DNAL1: variants seen among roughly 807,000 people sequenced by gnomAD.
DNAL1 encodes the protein dynein axonemal light chain 1.
A neutral mutation model predicts 29.4 loss-of-function variants in DNAL1; 17 were observed. The ratio of observed to expected loss-of-function variants is 0.58; its 90% CI spans 0.40 to 0.87. DNAL1 has a LOEUF of 0.87. Ranked by LOEUF, DNAL1 falls within the 40% of genes least tolerant of loss-of-function variation. DNAL1 has a pLI of 0.00. For synonymous variants in DNAL1, 78 were observed against 76.3 expected (o/e 1.02, Z -0.12); for missense variants, 188 against 214.1 (o/e 0.88, Z 0.76).
chr14:73,670,953 G>A (rs2140041959), intron 4 of DNAL1, among the ~76,000 whole-genome samples: 1 of 151,794 alleles, frequency 6.6e-6, no homozygotes, highest in South Asian at 2.1e-4. Flanking sequence ...AGCCAGGATG[G>A]TCTCGATCTC....
At position 73,689,385 on chromosome 14, in the gene DNAL1, G is replaced by T. The variant is rs1295843104; in HGVS notation, c.402G>T (p.Val134=). Residue 134 remains valine, a synonymous_variant, in exon 7 of 8, where the codon GTG becomes GTT. Coordinates refer to ENST00000553645, the MANE Select transcript of DNAL1 (RefSeq NM_031427.4). ...NNLVKDWAEF[V]KLAELPCLED... Reference sequence around the variant, plus strand: ...TTCTTTTACTTGTAGCTGAGTTTGTGAAGCTGGCAGAACTGCCATGCCTCG... The same window carrying T: ...TTCTTTTACTTGTAGCTGAGTTTGTTAAGCTGGCAGAACTGCCATGCCTCG... 1 of 1,552,474 alleles carries T rather than the reference G, an allele frequency of 6.4e-7. No homozygotes were observed.
chr14:73,663,652 G>A (rs1891408298), intron 4 of DNAL1, among the ~76,000 whole-genome samples: 1 of 152,116 alleles, frequency 6.6e-6, no homozygotes, highest in Non-Finnish European at 1.5e-5. Flanking sequence ...TAGTCAAACA[G>A]GTCAGGGTCA....
chr14:73,685,477 T>A (rs1027267660), intron 5 of DNAL1, among the ~76,000 whole-genome samples: 12 of 151,574 alleles, frequency 7.9e-5, no homozygotes, highest in South Asian at 4.2e-4. Context: ...TTTTTTTTTT[T>A]GAGACTGAGT....
At chr14:73,658,214 A>G (rs963284482) in intron 2 of DNAL1, among the ~76,000 whole-genome samples, 2 of 152,176 alleles carry the variant, frequency 1.3e-5, no homozygotes, top group African/African-American at 4.8e-5. Flanking sequence ...GTTGGCTGTA[A>G]ATACATGGAC....
intron 4 of DNAL1, among the ~76,000 whole-genome samples, chr14:73,666,798 T>TA (rs1217111769): frequency 2.0e-5 from 3 of 152,232 alleles, no homozygotes; most frequent in Admixed American, 6.5e-5. Flanking sequence ...TATTTTTTGA[T>TA]ACGGATGATT....
rs532784292 is a variant in DNAL1, at chr14:73,677,433, G to T, written c.264+5836G>T. Among the ~76,000 whole-genome samples the T allele has an allele frequency of 6.6e-5, 10 of 151,904 alleles. No individual in the cohort carries two copies. In the South Asian group the frequency reaches 1.2e-3, roughly 19 times the overall value. On this transcript the variant is annotated intron_variant, in intron 5 of 7. Transcript: ENST00000553645. ...GACCCTCTTGCCTCAAGTCTCCTGA[G>T]TAGCTGGGACTACAGGCCACTGTTC...
rs1367259721 is a variant in DNAL1 at position 73,678,508 on chromosome 14, ATTC to A, written c.264+6914_264+6916del. The stretch of plus-strand genomic sequence containing the variant: ...AAGTATTCAAATATAGTGAGCAGGT[ATTC>A]TTTTTTTTTTTTTTTTTTTTTTAGC... On this transcript the variant is annotated intron_variant, in intron 5 of 7. Transcript: ENST00000553645. 3.2e-5 allele frequency among the ~76,000 whole-genome samples: 4 copies of A among 123,532 alleles called. No homozygotes were observed. The East Asian group carries it at 9.4e-4, about 29-fold the overall frequency. The allele number at this position is 123,532 out of a possible 152,430, so 81.0% of individuals were successfully genotyped here. A position where few individuals can be genotyped will look rare whatever the true frequency, so the allele number is the denominator to read the frequency against.
intron 7 of DNAL1, among the ~76,000 whole-genome samples, chr14:73,695,278 C>T (rs1463049644): frequency 6.6e-6 from 1 of 151,202 alleles, no homozygotes; most frequent in East Asian, 1.9e-4. Flanking sequence ...GGCTGGTCTC[C>T]AACTCCTAGG....
intron 5 of DNAL1, among the ~76,000 whole-genome samples, chr14:73,677,878 A>T (rs1012409753): frequency 4.9e-5 from 4 of 82,132 alleles, no homozygotes; most frequent in South Asian, 3.7e-4. Flanking sequence ...ATATATATAT[A>T]TATATTTGTG....
rs71112792 is a variant in DNAL1 at position 73,681,605 on chromosome 14, CAAAAAAAAAAAAA to C, written c.265-5637_265-5625del. On this transcript the variant is annotated intron_variant, in intron 5 of 7. Coordinates refer to ENST00000553645, the MANE Select transcript of DNAL1 (RefSeq NM_031427.4). ...CAACATAGCGAGACCCCATCTCTACCAAAAAAAAAAAAAAAAAAAAAAAAAAAAATATATATAT... is the reference window on the plus strand; with the variant it reads ...CAACATAGCGAGACCCCATCTCTACCAAAAAAAAAAAAAAAATATATATAT... Among the ~76,000 whole-genome samples, 136 of 52,848 alleles carry C rather than the reference CAAAAAAAAAAAAA, an allele frequency of 2.6e-3. 2 individuals are homozygous for C. The highest frequency in any genetic ancestry group is 0.014 in the African/African-American group (119 of 8,756). The allele number at this position is 52,848 out of a possible 152,430, so 34.7% of individuals were successfully genotyped here.
chr14:73,681,493 C>T (rs1891873426), intron 5 of DNAL1, among the ~76,000 whole-genome samples: 1 of 149,668 alleles, frequency 6.7e-6, no homozygotes, highest in Non-Finnish European at 1.5e-5. Context: ...TTTAGCTGGG[C>T]ACAGTGGCTC....
At chr14:73,681,605 CAAAAAAAAAA>C (rs71112792) in intron 5 of DNAL1, among the ~76,000 whole-genome samples, 6 of 52,850 alleles carry the variant, frequency 1.1e-4, no homozygotes, top group African/African-American at 2.3e-4. Context: ...CCATCTCTAC[CAAAAAAAAAA>C]AAAAAAAAAA....
At chr14:73,652,581 T>C (rs1344565368) in intron 1 of DNAL1, among the ~76,000 whole-genome samples, 1 of 152,172 alleles carries the variant, frequency 6.6e-6, no homozygotes, top group East Asian at 1.9e-4. Flanking sequence ...TGGCTCATTT[T>C]ATATTTTCAA....
At chr14:73,671,054 C>A (rs966815178) in intron 4 of DNAL1, among the ~76,000 whole-genome samples, 4 of 152,120 alleles carry the variant, frequency 2.6e-5, no homozygotes, top group Non-Finnish European at 2.9e-5. Flanking sequence ...TATTTTTTAA[C>A]CAAATCACAG....
chr14:73,675,211 A>G (rs374277792), intron 5 of DNAL1, among the ~76,000 whole-genome samples: 1 of 147,254 alleles, frequency 6.8e-6, no homozygotes, highest in South Asian at 2.2e-4. Flanking sequence ...CTCACACACA[A>G]ACACACACAC....
chr14:73,688,232 T>C (rs946767868), intron 6 of DNAL1, among the ~76,000 whole-genome samples: 3 of 152,210 alleles, frequency 2.0e-5, no homozygotes, highest in Non-Finnish European at 1.5e-5. Context: ...TTTGGATACA[T>C]AGTTGAATAG....
chr14:73,662,027 A>G lies in DNAL1; in HGVS notation c.193A>G (p.Asn65Asp), dbSNP rs1211637414. ...TACAAACTGCATTGAAAAAATTGCC[A>G]ACCTGAATGGCTTAAGTAAGTGATT... Reference protein sequence around the residue: ...LSTNCIEKIANLNGLKNLRIL... With the variant: ...LSTNCIEKIADLNGLKNLRIL... Residue 65 changes from asparagine (N) to aspartate (D), a missense_variant, in exon 4 of 8, where the codon AAC becomes GAC. Coordinates refer to ENST00000553645, the MANE Select transcript of DNAL1 (RefSeq NM_031427.4). The G allele has an allele frequency of 3.2e-6, 5 of 1,562,336 alleles. No homozygotes were observed. The highest frequency in any genetic ancestry group is 4.3e-6 in the Non-Finnish European group (5 of 1,152,172).
At chr14:73,656,626 A>G (rs1891221793) in intron 2 of DNAL1, among the ~76,000 whole-genome samples, 1 of 151,890 alleles carries the variant, frequency 6.6e-6, no homozygotes, top group Non-Finnish European at 1.5e-5. Flanking sequence ...GAGTCTCATT[A>G]TGTTGCCCAG....
At position 73,695,892 on chromosome 14, in the gene DNAL1, T is replaced by G; in HGVS notation, c.533-10T>G. On this transcript the variant is annotated splice_polypyrimidine_tract_variant and intron_variant, in intron 7 of 7. Transcript: ENST00000553645. ...AGAATAACCAGTAATAATTTTCTTT[T>G]TCATTTTAGGTACTCCAGTAATTAA... The G allele has an allele frequency of 6.4e-7, 1 of 1,565,172 alleles. No individual in the cohort carries two copies. Among genetic ancestry groups the G allele is most frequent in the Non-Finnish European group, 8.7e-7 (1 of 1,155,756 alleles).
Sources: allele counts gnomAD v4.1 joint callset (sites outside exome capture counted in the v4.1 genomes callset), GRCh38; gene constraint gnomAD v4.1.1; transcripts MANE v1.5; gene names NCBI Gene and HGNC (gene_info 2026-07-23, HGNC 2026-07-21).